ADAMTS16: variants seen among roughly 807,000 people sequenced by gnomAD.
ADAMTS16 encodes ADAM metallopeptidase with thrombospondin type 1 motif 16, also known as A disintegrin and metalloproteinase with thrombospondin motifs 16.
In ADAMTS16, 94 loss-of-function variants were observed where a neutral mutation model predicts 145.8. The ratio of observed to expected loss-of-function variants is 0.64; its 90% CI spans 0.55 to 0.77. The LOEUF (loss-of-function observed/expected upper bound fraction) is 0.77, where lower values mean the gene tolerates loss of function less well. Among genes scored for constraint, ADAMTS16 ranks in the 30% least tolerant of loss-of-function variants. ADAMTS16 has a pLI of 0.00. For synonymous variants in ADAMTS16, 659 were observed against 604.3 expected, an observed-to-expected ratio of 1.09 and a Z score of -1.33; for missense variants, 1,585 against 1,591.5, an observed-to-expected ratio of 1.00 and a Z score of 0.07.
intron 7 of ADAMTS16, 116 bp from the exon 8 acceptor site, chr5:5,191,569 A>G (rs2126577228): frequency 2.4e-6 from 2 of 828,856 alleles, no homozygotes; most frequent in African/African-American, 1.7e-5. Flanking sequence ...TTCCCATTTC[A>G]TATTTTCCCA....
chr5:5,202,379 A>C (rs1579307444), intron 9 of ADAMTS16, among the ~76,000 whole-genome samples: 1 of 152,340 alleles, frequency 6.6e-6, no homozygotes, highest in South Asian at 2.1e-4. Context: ...ATTTTTTAAA[A>C]AAAAATTATA....
chr5:5,305,129 CCACA>C (rs1436662804), intron 20 of ADAMTS16, among the ~76,000 whole-genome samples: 5 of 48,160 alleles, frequency 1.0e-4, no homozygotes. Flanking sequence ...ACACCCCACA[CCACA>C]CACACACATC....
chr5:5,239,803 T>C lies in ADAMTS16; in HGVS notation c.2401T>C (p.Trp801Arg), dbSNP rs1238744780. 1.2e-6 allele frequency: 2 copies of C among 1,614,056 alleles called. No homozygotes were observed. Among genetic ancestry groups the C allele is most frequent in the African/African-American group, 2.7e-5 (2 of 74,922 alleles). The change falls in exon 16 of 23, where the codon TGG (tryptophan) becomes CGG (arginine). Residue 801 changes from tryptophan to arginine, a missense_variant. By Grantham distance (101) the Trp-to-Arg change is moderately radical (BLOSUM62 -3). Coordinates refer to ENST00000274181, the MANE Select transcript of ADAMTS16 (RefSeq NM_139056.4). ...ALRRYYLNGH[W>R]TVDWPGRYKF... ...CAGAAGGTACTACCTGAATGGGCAC[T>C]GGACCGTGGACTGGCCCGGCCGGTA...
At chr5:5,168,426 C>T (rs1342494386) in intron 3 of ADAMTS16, among the ~76,000 whole-genome samples, 1 of 141,334 alleles carries the variant, frequency 7.1e-6, no homozygotes, top group African/African-American at 2.6e-5. Context: ...ATTCTTTGCA[C>T]TTTTTAAAAA....
chr5:5,152,747 T>C (rs1330844385), intron 3 of ADAMTS16, among the ~76,000 whole-genome samples: 3 of 152,244 alleles, frequency 2.0e-5, no homozygotes, highest in Non-Finnish European at 4.4e-5. Context: ...AAAATGTTTT[T>C]CAGTAATTGT....
intron 18 of ADAMTS16, among the ~76,000 whole-genome samples, chr5:5,293,871 A>G (rs1392526148): frequency 1.3e-5 from 2 of 152,152 alleles, no homozygotes; most frequent in Non-Finnish European, 1.5e-5. Context: ...TCTTGCCAAC[A>G]CAGCCCATCT....
At chr5:5,309,459 C>A (rs1304578856) in intron 21 of ADAMTS16, among the ~76,000 whole-genome samples, 1 of 152,134 alleles carries the variant, frequency 6.6e-6, no homozygotes, top group Non-Finnish European at 1.5e-5. Context: ...ATGCGCCTAA[C>A]CCATAGTAAG....
intron 10 of ADAMTS16, among the ~76,000 whole-genome samples, chr5:5,220,784 C>T (rs1292802948): frequency 6.6e-6 from 1 of 152,058 alleles, no homozygotes; most frequent in Admixed American, 6.6e-5. Flanking sequence ...TGCCTGCCCA[C>T]ATCTGCTTGC....
intron 20 of ADAMTS16, among the ~76,000 whole-genome samples, chr5:5,305,814 C>T (rs1481592086): frequency 1.3e-5 from 2 of 152,194 alleles, no homozygotes; most frequent in African/African-American, 4.8e-5. Context: ...CGCCAGGGGC[C>T]GGGACCTCTG....
intron 9 of ADAMTS16, among the ~76,000 whole-genome samples, chr5:5,207,121 G>A (rs1050626406): frequency 1.3e-5 from 2 of 152,136 alleles, no homozygotes; most frequent in Non-Finnish European, 2.9e-5. Flanking sequence ...TTGCAATGAA[G>A]CTATAGATTA....
At chr5:5,160,010 T>TG (rs1734699701) in intron 3 of ADAMTS16, among the ~76,000 whole-genome samples, 1 of 152,138 alleles carries the variant, frequency 6.6e-6, no homozygotes, top group African/African-American at 2.4e-5. Flanking sequence ...AGGTTATCAT[T>TG]AGGTAATAAA....
At chr5:5,187,657 A>T in intron 5 of ADAMTS16, 68 bp from the exon 6 acceptor site, 1 of 1,007,584 alleles carries the variant, frequency 9.9e-7, no homozygotes, top group South Asian at 1.3e-5. Flanking sequence ...GTTGGATTCT[A>T]GGCCCGCTAG....
intron 17 of ADAMTS16, among the ~76,000 whole-genome samples, chr5:5,251,729 T>G (rs1332585623): frequency 6.6e-6 from 1 of 152,232 alleles, no homozygotes; most frequent in Non-Finnish European, 1.5e-5. Flanking sequence ...AGATGCTCTC[T>G]GCATCGTAGG....
intron 10 of ADAMTS16, among the ~76,000 whole-genome samples, chr5:5,213,009 T>C (rs192076283): frequency 2.6e-5 from 4 of 152,382 alleles, no homozygotes; most frequent in African/African-American, 4.8e-5. Flanking sequence ...AGAGTCTATG[T>C]AGAATTAACT....
intron 9 of ADAMTS16, among the ~76,000 whole-genome samples, chr5:5,203,928 C>G (rs951035937): frequency 6.6e-6 from 1 of 152,156 alleles, no homozygotes; most frequent in African/African-American, 2.4e-5. Flanking sequence ...TCTGACCTGA[C>G]AGCCCATTAA....
At chr5:5,220,318 C>CA (rs1479844789) in intron 10 of ADAMTS16, among the ~76,000 whole-genome samples, 50 of 150,212 alleles carry the variant, frequency 3.3e-4, no homozygotes, top group Non-Finnish European at 5.5e-4. Flanking sequence ...CGCCACCACG[C>CA]CTGGCTAATT....
chr5:5,154,124 A>G (rs1734541985), intron 3 of ADAMTS16, among the ~76,000 whole-genome samples: 1 of 152,252 alleles, frequency 6.6e-6, no homozygotes, highest in African/African-American at 2.4e-5. Flanking sequence ...TTGAGCCAGT[A>G]TAATAAAATA....
At chr5:5,250,740 C>CGCGT (rs1737600557) in intron 17 of ADAMTS16, among the ~76,000 whole-genome samples, 2 of 71,794 alleles carry the variant, frequency 2.8e-5, no homozygotes, top group Admixed American at 3.5e-4. Flanking sequence ...TGTGTGTGCG[C>CGCGT]GCACTCCTGG....
intron 14 of ADAMTS16, among the ~76,000 whole-genome samples, chr5:5,237,759 T>C (rs1218310596): frequency 6.6e-6 from 1 of 152,044 alleles, no homozygotes; most frequent in Non-Finnish European, 1.5e-5. Context: ...GCAGCTACAC[T>C]TTCACTGAGG....
Sources: allele counts gnomAD v4.1 joint callset (sites outside exome capture counted in the v4.1 genomes callset), GRCh38; gene constraint gnomAD v4.1.1; transcripts MANE v1.5; gene names NCBI Gene and HGNC (gene_info 2026-07-23, HGNC 2026-07-21).